Variants in GLRA3 observed in about 807,000 individuals in gnomAD.
The protein encoded by GLRA3 is glycine receptor subunit alpha-3.
In GLRA3, 44 loss-of-function variants were observed where a neutral mutation model predicts 60.4. The observed-to-expected ratio is 0.73, with a 90% CI of 0.57 to 0.94. GLRA3 has a LOEUF of 0.94. Ranked by LOEUF, GLRA3 falls within the 40% of genes least tolerant of loss-of-function variation. The probability of loss-of-function intolerance (pLI) is 0.00; values close to 1 mark genes in which losing one functional copy is unlikely to be tolerated. For synonymous variants in GLRA3, 223 were observed against 192.9 expected (o/e 1.16, Z -1.29); for missense variants, 508 against 564.6 (o/e 0.90, Z 1.02).
At position 174,828,824 on chromosome 4, in the gene GLRA3, T is replaced by G. The variant is rs777783039; in HGVS notation, c.-13A>C. ...TCACGTGGGCCATGATACGGAGAGA[T>G]ATTCACGATCCTGAAAATAGTCTTA... On this transcript the variant is annotated 5_prime_UTR_variant, in exon 1 of 10. Coordinates refer to ENST00000274093, the MANE Select transcript of GLRA3 (RefSeq NM_006529.4). The G allele has an allele frequency of 4.9e-5, 77 of 1,579,360 alleles. No homozygotes were observed. The highest frequency in any genetic ancestry group is 6.6e-5 in the Non-Finnish European group (76 of 1,148,342).
At chr4:174,827,968 A>C (rs549168717) in intron 1 of GLRA3, among the ~76,000 whole-genome samples, 3 of 152,202 alleles carry the variant, frequency 2.0e-5, no homozygotes, top group African/African-American at 7.2e-5. Flanking sequence ...ATTCTATATG[A>C]GCAGTACCTT....
chr4:174,638,758 C>T lies in GLRA3; in HGVS notation c.*5028G>A, dbSNP rs1732560394. On this transcript the variant is annotated 3_prime_UTR_variant, in exon 10 of 10. Coordinates refer to ENST00000274093, the MANE Select transcript of GLRA3 (RefSeq NM_006529.4). The stretch of plus-strand genomic sequence containing the variant: ...CACTTCTGGAATTTTTTCAATCATC[C>T]AGAATTTCAGATCTTATTCCAAAAA... 2 of 152,124 alleles carry T rather than the reference C, an allele frequency of 1.3e-5. No homozygotes were observed. The highest frequency in any genetic ancestry group is 6.6e-5 in the Admixed American group (1 of 15,262). The allele number at this position is 152,124 out of a possible 1,614,324, so 9.4% of individuals were successfully genotyped here. A position where few individuals can be genotyped will look rare whatever the true frequency, so the allele number is the denominator to read the frequency against.
chr4:174,678,950 T>G (rs1399788499), intron 6 of GLRA3, among the ~76,000 whole-genome samples: 1 of 152,164 alleles, frequency 6.6e-6, no homozygotes, highest in Non-Finnish European at 1.5e-5. Flanking sequence ...GTATAAATTC[T>G]CTAAATTTCA....
chr4:174,656,609 T>G, intron 9 of GLRA3, 134 bp downstream of exon 9: 5 of 504,908 alleles, frequency 9.9e-6, no homozygotes, highest in Admixed American at 3.3e-5. Context: ...TGAAGGGGGA[T>G]GATATTTGCT....
At chr4:174,674,450 T>C (rs1414974600) in intron 7 of GLRA3, among the ~76,000 whole-genome samples, 1 of 152,186 alleles carries the variant, frequency 6.6e-6, no homozygotes, top group African/African-American at 2.4e-5. Flanking sequence ...AGAGACTACA[T>C]GCTTGAGTTA....
chr4:174,674,028 A>G (rs1734009471), intron 7 of GLRA3, among the ~76,000 whole-genome samples: 1 of 152,074 alleles, frequency 6.6e-6, no homozygotes, highest in African/African-American at 2.4e-5. Flanking sequence ...GCTACTCTCT[A>G]GCTCTGTTGC....
At chr4:174,728,199 T>G (rs572947573) in intron 4 of GLRA3, among the ~76,000 whole-genome samples, 6 of 152,342 alleles carry the variant, frequency 3.9e-5, no homozygotes, top group African/African-American at 1.4e-4. Flanking sequence ...TCACTTTGCC[T>G]TTAAGATTCC....
At chr4:174,672,115 T>C (rs1189733497) in intron 7 of GLRA3, among the ~76,000 whole-genome samples, 1 of 152,168 alleles carries the variant, frequency 6.6e-6, no homozygotes, top group East Asian at 1.9e-4. Flanking sequence ...TGTAAAATAT[T>C]TTATCAAAAA....
chr4:174,669,220 A>G (rs952377293), intron 7 of GLRA3, among the ~76,000 whole-genome samples: 2 of 152,148 alleles, frequency 1.3e-5, no homozygotes, highest in Admixed American at 1.3e-4. Flanking sequence ...GGAAAAAATA[A>G]TATTAATCTC....
At chr4:174,822,098 A>T (rs1740763882) in intron 1 of GLRA3, among the ~76,000 whole-genome samples, 1 of 152,160 alleles carries the variant, frequency 6.6e-6, no homozygotes, top group African/African-American at 2.4e-5. Flanking sequence ...TGAAAATCTA[A>T]AACACAAATT....
rs887609884 is a variant in GLRA3 at position 174,700,686 on chromosome 4, T to C, written c.574+14802A>G. Among the ~76,000 whole-genome samples, 19 of 152,294 alleles carry C rather than the reference T, an allele frequency of 1.2e-4. No homozygotes were observed. The East Asian group carries it at 1.9e-3, about 15-fold the overall frequency. ...GTTATGATGGTAAAGGAAAAGTTAT[T>C]GAAGGAAATTAACAGTGCTACTGCA... On this transcript the variant is annotated intron_variant, in intron 5 of 9. Transcript: ENST00000274093.
chr4:174,821,564 G>C (rs577976988), intron 1 of GLRA3, among the ~76,000 whole-genome samples: 2 of 152,114 alleles, frequency 1.3e-5, no homozygotes, highest in South Asian at 4.1e-4. Flanking sequence ...AATATATAGA[G>C]AGAGTACATA....
chr4:174,718,342 T>C (rs571303625), intron 4 of GLRA3, among the ~76,000 whole-genome samples: 2 of 152,354 alleles, frequency 1.3e-5, no homozygotes, highest in Non-Finnish European at 2.9e-5. Context: ...AATGTTTACT[T>C]GTGTAAGAGA....
At chr4:174,692,219 G>A (rs1361330090) in intron 5 of GLRA3, among the ~76,000 whole-genome samples, 7 of 151,050 alleles carry the variant, frequency 4.6e-5, no homozygotes, top group East Asian at 1.9e-4. Flanking sequence ...CGGGAGGGAG[G>A]TGGGGGTCAG....
intron 5 of GLRA3, among the ~76,000 whole-genome samples, chr4:174,690,307 T>A (rs1023197651): frequency 6.6e-6 from 1 of 152,224 alleles, no homozygotes; most frequent in Non-Finnish European, 1.5e-5. Flanking sequence ...GTTAGTATTT[T>A]CATTTACATT....
chr4:174,763,699 C>A (rs913202353), intron 3 of GLRA3, among the ~76,000 whole-genome samples: 1 of 152,118 alleles, frequency 6.6e-6, no homozygotes, highest in African/African-American at 2.4e-5. Flanking sequence ...AGCTTCCCCT[C>A]ATTGAAATAA....
At chr4:174,675,234 A>G (rs972708395) in intron 7 of GLRA3, among the ~76,000 whole-genome samples, 1 of 152,156 alleles carries the variant, frequency 6.6e-6, no homozygotes, top group Admixed American at 6.6e-5. Flanking sequence ...TCATGGCTGA[A>G]AATTTATTTC....
At chr4:174,644,461 A>G (rs1441679840) in intron 9 of GLRA3, among the ~76,000 whole-genome samples, 1 of 151,942 alleles carries the variant, frequency 6.6e-6, no homozygotes, top group African/African-American at 2.4e-5. Flanking sequence ...GAAGGGGAAC[A>G]TACCAGGATC....
At chr4:174,684,976 C>G (rs1734499763) in intron 5 of GLRA3, among the ~76,000 whole-genome samples, 1 of 152,102 alleles carries the variant, frequency 6.6e-6, no homozygotes, top group Admixed American at 6.5e-5. Flanking sequence ...CCATTGCACT[C>G]CAGCCTGGGC....
Sources: gnomAD v4.1 joint callset for allele counts (sites outside exome capture counted in the v4.1 genomes callset) on GRCh38, gnomAD v4.1.1 for gene constraint, MANE v1.5 for transcripts, NCBI Gene and HGNC (gene_info 2026-07-23, HGNC 2026-07-21) for gene names.